CNTN5: variants seen among roughly 807,000 people sequenced by gnomAD.
The protein encoded by CNTN5 is contactin 5.
A neutral mutation model predicts 129.1 loss-of-function variants in CNTN5; 77 were observed. That is an observed-to-expected ratio of 0.60 (90% CI 0.50 to 0.72). CNTN5 has a LOEUF of 0.72. CNTN5 is among the 30% of genes least tolerant of loss of function. The pLI is 0.00. For missense variants in CNTN5, 1,478 were observed against 1,328.8 expected (o/e 1.11, Z -1.75); for synonymous variants, 509 against 465.6 (o/e 1.09, Z -1.20).
intron 4 of CNTN5, among the ~76,000 whole-genome samples, chr11:99,820,021 C>A (rs1358731358): frequency 6.6e-6 from 1 of 152,120 alleles, no homozygotes; most frequent in Non-Finnish European, 1.5e-5. Flanking sequence ...TAGGCTACTA[C>A]CTTTTCATAG....
At chr11:99,102,099 C>A (rs1359022816) in intron 1 of CNTN5, among the ~76,000 whole-genome samples, 1 of 152,182 alleles carries the variant, frequency 6.6e-6, no homozygotes, top group South Asian at 2.1e-4. Flanking sequence ...GGGGCTTGCA[C>A]CCTCTGAAGA....
chr11:99,577,783 C>T (rs1352625801), intron 3 of CNTN5, among the ~76,000 whole-genome samples: 1 of 151,322 alleles, frequency 6.6e-6, no homozygotes, highest in African/African-American at 2.4e-5. Context: ...TGCATTTGTG[C>T]AGATCTTTAT....
intron 2 of CNTN5, among the ~76,000 whole-genome samples, chr11:99,346,590 C>G (rs1243362103): frequency 6.6e-6 from 1 of 152,214 alleles, no homozygotes; most frequent in African/African-American, 2.4e-5. Context: ...TTGAACCTCA[C>G]CAGAGCAGGG....
At chr11:100,040,257 A>G (rs1487945021) in intron 9 of CNTN5, among the ~76,000 whole-genome samples, 1 of 152,300 alleles carries the variant, frequency 6.6e-6, no homozygotes, top group East Asian at 1.9e-4. Flanking sequence ...TTGCCTGGGT[A>G]TCAGCAGTGA....
At chr11:99,319,467 C>T (rs912697959) in intron 1 of CNTN5, among the ~76,000 whole-genome samples, 1 of 152,142 alleles carries the variant, frequency 6.6e-6, no homozygotes, top group Non-Finnish European at 1.5e-5. Context: ...CCCGAGCTGA[C>T]CCCTATTAGA....
intron 1 of CNTN5, among the ~76,000 whole-genome samples, chr11:99,129,700 G>C (rs185271318): frequency 6.6e-6 from 1 of 152,084 alleles, no homozygotes; most frequent in Non-Finnish European, 1.5e-5. Context: ...AAAATGTTAA[G>C]GGCAGTCAGA....
intron 1 of CNTN5, among the ~76,000 whole-genome samples, chr11:99,121,571 TA>T (rs142317088): frequency 0.058 from 8,883 of 152,264 alleles, 278 homozygotes; most frequent in African/African-American, 0.076. Context: ...AAAGTTTTCT[TA>T]AAAAAGAGAG....
At chr11:100,047,841 A>AC (rs1942764207) in intron 9 of CNTN5, among the ~76,000 whole-genome samples, 1 of 101,032 alleles carries the variant, frequency 9.9e-6, no homozygotes, top group African/African-American at 4.8e-5. Context: ...ATTTTTATAA[A>AC]GAAAAAAGAG....
intron 6 of CNTN5, among the ~76,000 whole-genome samples, chr11:99,914,172 G>C (rs1949730846): frequency 6.6e-6 from 1 of 152,098 alleles, no homozygotes; most frequent in Non-Finnish European, 1.5e-5. Flanking sequence ...AGGATTTACA[G>C]ACTGCAGTGA....
intron 3 of CNTN5, among the ~76,000 whole-genome samples, chr11:99,735,185 G>A (rs148955845): frequency 8.0e-5 from 12 of 150,456 alleles, no homozygotes; most frequent in African/African-American, 2.7e-4. Flanking sequence ...AAGAGATTAC[G>A]TTCTAAGGTG....
chr11:99,735,123 T>C (rs1943661263), intron 3 of CNTN5, among the ~76,000 whole-genome samples: 1 of 152,252 alleles, frequency 6.6e-6, no homozygotes, highest in African/African-American at 2.4e-5. Context: ...TCGTACCTAC[T>C]ATGTACTAGG....
chr11:99,302,192 C>T (rs1471308637), intron 1 of CNTN5, among the ~76,000 whole-genome samples: 1 of 150,868 alleles, frequency 6.6e-6, no homozygotes, highest in Non-Finnish European at 1.5e-5. Flanking sequence ...AAGTTAAAAG[C>T]AAGCAAAAGG....
chr11:99,844,685 T>C (rs2135694988), intron 4 of CNTN5, 167 bp from the exon 5 acceptor site: 2 of 626,988 alleles, frequency 3.2e-6, no homozygotes, highest in Non-Finnish European at 2.7e-6. Flanking sequence ...TTCTTTACAA[T>C]TTAATAAAAC....
intron 3 of CNTN5, among the ~76,000 whole-genome samples, chr11:99,736,495 G>A (rs1002135227): frequency 6.6e-6 from 1 of 152,008 alleles, no homozygotes; most frequent in African/African-American, 2.4e-5. Context: ...CCTCAAAATG[G>A]GGTCAAAACA....
chr11:100,073,443 T>A (rs1944007693), intron 12 of CNTN5, among the ~76,000 whole-genome samples: 2 of 151,618 alleles, frequency 1.3e-5, no homozygotes, highest in South Asian at 2.1e-4. Flanking sequence ...ATGATATATT[T>A]TATATATATA....
intron 1 of CNTN5, among the ~76,000 whole-genome samples, chr11:99,258,942 T>A (rs1023726624): frequency 4.6e-5 from 7 of 151,904 alleles, no homozygotes; most frequent in African/African-American, 1.4e-4. Context: ...TGTGTTTTTT[T>A]ATTAAAGTTT....
At chr11:99,437,167 T>G (rs1374053843) in intron 2 of CNTN5, among the ~76,000 whole-genome samples, 3 of 152,200 alleles carry the variant, frequency 2.0e-5, no homozygotes, top group African/African-American at 2.4e-5. Context: ...CCCAGAGACC[T>G]AGTACTTTAC....
intron 16 of CNTN5, among the ~76,000 whole-genome samples, chr11:100,250,209 GA>G (rs968200503): frequency 1.1e-4 from 17 of 151,288 alleles, no homozygotes; most frequent in South Asian, 2.1e-4. Flanking sequence ...AAACTTGGAT[GA>G]AAAAAAACCC....
At chr11:99,739,890 G>A (rs1258468000) in intron 3 of CNTN5, among the ~76,000 whole-genome samples, 4 of 152,068 alleles carry the variant, frequency 2.6e-5, no homozygotes, top group Non-Finnish European at 5.9e-5. Context: ...CTGGCACAAG[G>A]GACTAGGTGT....
Sources: gnomAD v4.1 joint callset for allele counts (sites outside exome capture counted in the v4.1 genomes callset) on GRCh38, gnomAD v4.1.1 for gene constraint, MANE v1.5 for transcripts, NCBI Gene and HGNC (gene_info 2026-07-23, HGNC 2026-07-21) for gene names.